Variants in POLI observed in about 807,000 individuals in gnomAD.
The protein encoded by POLI is DNA polymerase iota, also known as RAD30 homolog B.
POLI carries 58 observed loss-of-function variants against 51.6 expected under a neutral mutation model. That is an observed-to-expected ratio of 1.12 (90% CI 0.91 to 1.40). The LOEUF is 1.40. Among genes scored for constraint, POLI ranks in the 40% most tolerant of loss-of-function variants. POLI has a pLI of 0.00. For missense variants in POLI, 921 were observed against 871.3 expected (o/e 1.06, Z -0.72); for synonymous variants, 322 against 299.7 (o/e 1.07, Z -0.77).
chr18:54,292,946 A>G (rs190500377), intron 9 of POLI, among the ~76,000 whole-genome samples: 12 of 152,148 alleles, frequency 7.9e-5, no homozygotes, highest in Non-Finnish European at 1.6e-4. Flanking sequence ...CCTTGTATGT[A>G]TTTGTCACAC....
intron 8 of POLI, among the ~76,000 whole-genome samples, chr18:54,289,918 G>T (rs1349472918): frequency 6.6e-6 from 1 of 152,132 alleles, no homozygotes; most frequent in African/African-American, 2.4e-5. Flanking sequence ...ATAAGCATGG[G>T]CAAAGACCTC....
intron 2 of POLI, 117 bp from the exon 3 acceptor site, chr18:54,273,809 T>C: frequency 1.9e-6 from 1 of 533,942 alleles, no homozygotes; most frequent in Non-Finnish European, 3.1e-6. Context: ...GACAGGGCTT[T>C]TGATTCTTAT....
chr18:54,273,284 A>G (rs898717507), intron 2 of POLI, among the ~76,000 whole-genome samples: 1 of 151,530 alleles, frequency 6.6e-6, no homozygotes, highest in African/African-American at 2.4e-5. Flanking sequence ...TTTTATATAC[A>G]TATTATATTT....
At chr18:54,283,769 A>C (rs2087621297) in intron 6 of POLI, 153 bp from the exon 7 acceptor site, 3 of 457,160 alleles carry the variant, frequency 6.6e-6, no homozygotes, top group Non-Finnish European at 1.2e-5. Flanking sequence ...CAGATAAAAA[A>C]CTGTTAATAT....
In POLI at chr18:54,294,165, C is replaced by T; in HGVS notation, c.1921C>T (p.Pro641Ser). 1 of 1,612,086 alleles carries T rather than the reference C, an allele frequency of 6.2e-7. No individual in the cohort carries two copies. Residue 641 changes from proline (P) to serine (S), a missense_variant, in exon 10 of 10, where the codon CCT becomes TCT. Pro to Ser is a moderately conservative substitution (Grantham distance 74). Coordinates refer to ENST00000579534, the MANE Select transcript of POLI (RefSeq NM_007195.3). The part of the protein sequence containing the change: ...DERISQGPKE[P>S]QGFHFTNSNP... The stretch of plus-strand genomic sequence containing the variant: ...ACGAATAAGTCAAGGACCTAAAGAA[C>T]CTCAAGGATTCCACTTTACAAATTC...
Position 54,296,307 on chromosome 18 carries a change from T to C in POLI, c.*1840T>C. On this transcript the variant is annotated 3_prime_UTR_variant, in exon 10 of 10. Coordinates refer to ENST00000579534, the MANE Select transcript of POLI (RefSeq NM_007195.3). ...GCAAAATAGTTAAAAATACATTTCA[T>C]AGATTGAGAATGTACGGGCTATGTC... The C allele has an allele frequency of 1.0e-6, 1 of 984,928 alleles. No individual in the cohort carries two copies. Among genetic ancestry groups the C allele is most frequent in the Non-Finnish European group, 1.2e-6 (1 of 829,452 alleles). 61.0% of individuals were successfully genotyped at this position (984,928 alleles called of 1,614,324 possible).
chr18:54,284,351 T>C (rs1216545290), intron 7 of POLI, among the ~76,000 whole-genome samples: 2 of 152,214 alleles, frequency 1.3e-5, no homozygotes, highest in Non-Finnish European at 2.9e-5. Context: ...GTTTTAATTT[T>C]TCCCTGTGGC....
Position 54,291,926 on chromosome 18 carries a change from TAA to T in POLI, c.1293_1294del (p.Ser432CysfsTer7). On this transcript the variant is annotated frameshift_variant, in exon 9 of 10. Transcript: ENST00000579534. LOFTEE classifies it high-confidence loss of function. ...AAGATGCCATTTCACCTTACCCTTC[TAA>T]GTGTGTGCTTCTGCAACCTTAAAGC... is the stretch of plus-strand genomic sequence containing the variant. The T allele has an allele frequency of 6.2e-7, 1 of 1,609,386 alleles. No homozygotes were observed. Among genetic ancestry groups the T allele is most frequent in the Non-Finnish European group, 8.5e-7 (1 of 1,176,108 alleles).
chr18:54,288,975 C>A (rs1045174783), intron 8 of POLI, among the ~76,000 whole-genome samples: 2 of 152,042 alleles, frequency 1.3e-5, no homozygotes, highest in African/African-American at 4.8e-5. Flanking sequence ...CTTTTCCTCC[C>A]AAATATGTAT....
At chr18:54,300,034 A>T (rs1052439169), downstream of POLI, among the ~76,000 whole-genome samples, 1 of 152,106 alleles carries the variant, frequency 6.6e-6, no homozygotes, top group Non-Finnish European at 1.5e-5. Flanking sequence ...TAAGGCATAC[A>T]TATGAAAGAA....
intron 2 of POLI, among the ~76,000 whole-genome samples, chr18:54,272,730 C>T (rs1190027960): frequency 6.6e-6 from 1 of 151,436 alleles, no homozygotes; most frequent in Non-Finnish European, 1.5e-5. Context: ...CCTTGGCCTC[C>T]CAAAGTGCGG....
In POLI at chr18:54,269,573, GGAGGAAGGCGGCGGCGACGACGAC is replaced by G. The variant is rs1568111920; in HGVS notation, c.35_58del (p.Gly12_Glu19del). On this transcript the variant is annotated inframe_deletion, in exon 1 of 10. Transcript: ENST00000579534. ...TGGAGAAGCTGGGGGTGGAGCCGGA[GGAGGAAGGCGGCGGCGACGACGAC>G]GAGGAAGACGCCGAGGCCTGGGCCA... 9.0e-6 allele frequency: 13 copies of G among 1,450,014 alleles called. No individual in the cohort carries two copies. The highest frequency in any genetic ancestry group is 3.8e-5 in the South Asian group (3 of 78,822). The allele number at this position is 1,450,014 out of a possible 1,614,324, so 89.8% of individuals were successfully genotyped here.
chr18:54,315,133 G>T (rs571010769), intron 3 of POLI, among the ~76,000 whole-genome samples: 16 of 152,160 alleles, frequency 1.1e-4, no homozygotes, highest in African/African-American at 3.9e-4. Context: ...CATTGCTTCA[G>T]CTGCGTCCAA....
intron 6 of POLI, 21 bp from the exon 7 acceptor site, chr18:54,283,901 T>G: frequency 1.1e-6 from 1 of 912,958 alleles, no homozygotes; most frequent in East Asian, 2.5e-5. Flanking sequence ...GTGCTAATCC[T>G]TATTTATGCT....
chr18:54,277,924 C>A, intron 4 of POLI, 69 bp downstream of exon 4: 1 of 1,157,142 alleles, frequency 8.6e-7, no homozygotes, highest in Non-Finnish European at 1.2e-6. Context: ...TCAGTGAGTT[C>A]GCTGTGTGAT....
intron 1 of POLI, chr18:54,270,707 G>A (rs1357256802): frequency 6.6e-6 from 1 of 152,034 alleles, no homozygotes; most frequent in Non-Finnish European, 1.5e-5. Flanking sequence ...TTGAGAGAAG[G>A]AGTCGCCTCT....
chr18:54,301,433 G>C (rs1599269068), downstream of POLI, among the ~76,000 whole-genome samples: 1 of 152,110 alleles, frequency 6.6e-6, no homozygotes. Flanking sequence ...AGTGCACACA[G>C]AATACAGATG....
rs1035839997 is a variant in POLI at position 54,297,138 on chromosome 18, G to A, written c.*2671G>A. 3 of 985,280 alleles carry A rather than the reference G, an allele frequency of 3.0e-6. No individual in the cohort carries two copies. Among genetic ancestry groups the A allele is most frequent in the Non-Finnish European group, 3.6e-6 (3 of 829,910 alleles). The allele number at this position is 985,280 out of a possible 1,614,324, so 61.0% of individuals were successfully genotyped here. ...GTAAGCTCCCTGACCCTTACTACTA[G>A]CCGAAGGTTTTGTCTCTGCAGGTCA... On this transcript the variant is annotated 3_prime_UTR_variant, in exon 10 of 10. Transcript: ENST00000579534.
chr18:54,291,794 A>G (rs1324745126), intron 8 of POLI, 39 bp from the exon 9 acceptor site: 4 of 929,038 alleles, frequency 4.3e-6, no homozygotes, highest in Non-Finnish European at 6.7e-6. Flanking sequence ...TATGCTCTTA[A>G]TATTAATTAT....
Sources: gnomAD v4.1 joint callset for allele counts (sites outside exome capture counted in the v4.1 genomes callset) on GRCh38, gnomAD v4.1.1 for gene constraint, MANE v1.5 for transcripts, NCBI Gene and HGNC (gene_info 2026-07-23, HGNC 2026-07-21) for gene names.